RBM28: variants seen among roughly 807,000 people sequenced by gnomAD.
RBM28 encodes the protein RNA binding motif protein 28, also known as RNA-binding protein 28.
In RBM28, 78 loss-of-function variants were observed where a neutral mutation model predicts 98.3. That is an observed-to-expected ratio of 0.79 (90% confidence interval 0.66 to 0.96). The LOEUF (loss-of-function observed/expected upper bound fraction) is 0.96. Among genes scored for constraint, RBM28 ranks in the 40% least tolerant of loss-of-function variants. The probability of loss-of-function intolerance (pLI) is 0.00; values close to 1 mark genes in which losing one functional copy is unlikely to be tolerated. For missense variants in RBM28, 838 were observed against 913.0 expected, an observed-to-expected ratio of 0.92 and a Z score of 1.06; for synonymous variants, 306 against 330.9, an observed-to-expected ratio of 0.92 and a Z score of 0.82.
At chr7:128,314,075 G>C (rs1026259818) in intron 17 of RBM28, among the ~76,000 whole-genome samples, 1 of 151,938 alleles carries the variant, frequency 6.6e-6, no homozygotes, top group Non-Finnish European at 1.5e-5. Context: ...CCATTCTCCT[G>C]CCTCAGCCTC....
rs1796339149 is a variant in RBM28 at position 128,325,884 on chromosome 7, T to C, written c.1137A>G (p.Ala379=). The change falls in exon 11 of 19, where the codon GCA becomes GCG. Residue 379 remains alanine (A), a synonymous_variant. Coordinates refer to ENST00000223073, the MANE Select transcript of RBM28 (RefSeq NM_018077.3). Reference sequence around the variant, plus strand: ...CTTCTTGAGTCATGAACTGGGCAAATGCACAACCTGCACAAGGAGACACAA... The same window carrying C: ...CTTCTTGAGTCATGAACTGGGCAAACGCACAACCTGCACAAGGAGACACAA... ...HPDTEHSKGC[A]FAQFMTQEAA... is the part of the protein sequence containing the mutation. 4 of 1,613,078 alleles carry C rather than the reference T, an allele frequency of 2.5e-6. No individual in the cohort carries two copies. In the South Asian group the frequency reaches 4.4e-5, roughly 18 times the overall value.
At chr7:128,323,216 A>G (rs972498578) in intron 13 of RBM28, among the ~76,000 whole-genome samples, 2 of 152,172 alleles carry the variant, frequency 1.3e-5, no homozygotes, top group Non-Finnish European at 2.9e-5. Flanking sequence ...ACCTAATTAC[A>G]TGTAGCAATA....
At position 128,310,915 on chromosome 7, in the gene RBM28, GC is replaced by G; in HGVS notation, c.2161del (p.Ala721LeufsTer69). 1 of 1,613,246 alleles carries G rather than the reference GC, an allele frequency of 6.2e-7. No individual in the cohort carries two copies. The highest frequency in any genetic ancestry group is 8.5e-7 in the Non-Finnish European group (1 of 1,179,208). On this transcript the variant is annotated frameshift_variant, in exon 19 of 19. Coordinates refer to ENST00000223073, the MANE Select transcript of RBM28 (RefSeq NM_018077.3). LOFTEE classifies it high-confidence loss of function. ...GCGGGTTTCCGTCTTATTTCCCTTA[GC>G]TTTTTTCCTAGATACCTACAAATGA... ...LSSEQVSRKK[A>X]KGNKTETRFN...
At chr7:128,322,046 C>A (rs371069783) in intron 13 of RBM28, among the ~76,000 whole-genome samples, 90 of 143,866 alleles carry the variant, frequency 6.3e-4, no homozygotes, top group South Asian at 1.1e-3. Flanking sequence ...GAAATTCGGT[C>A]AAAAAAAAAA....
In RBM28 at chr7:128,305,086, G is replaced by C. The variant is rs932161443; in HGVS notation, c.*5711C>G. Reference sequence around the variant, plus strand: ...CTGAGGAAGAACTGCTTGAACCTGGGGGGTGGAGGTTGCAGTGAGCTGAGA... The same window carrying C: ...CTGAGGAAGAACTGCTTGAACCTGGCGGGTGGAGGTTGCAGTGAGCTGAGA... On this transcript the variant is annotated 3_prime_UTR_variant, in exon 19 of 19. Transcript: ENST00000223073. 6 of 151,924 alleles carry C rather than the reference G, an allele frequency of 3.9e-5. No homozygotes were observed. The highest frequency in any genetic ancestry group is 1.2e-4 in the African/African-American group (5 of 41,310). 9.4% of individuals were successfully genotyped at this position (151,924 alleles called of 1,614,324 possible). A position where few individuals can be genotyped will look rare whatever the true frequency, so the allele number is the denominator to read the frequency against.
rs1174864488 is a variant in RBM28, at chr7:128,310,877, C to A, written c.2200G>T (p.Val734Phe). Residue 734 changes from valine to phenylalanine, a missense_variant, in exon 19 of 19, where the codon GTC becomes TTC. Val to Phe is a conservative substitution (Grantham distance 50). Transcript: ENST00000223073. ...NKTETRFNQL[V>F]EQYKQKLLGP... ...AATAATTTCTGCTTATATTGTTCGA[C>A]CAGCTGGTTGAAGCGGGTTTCCGTC... is the stretch of plus-strand genomic sequence containing the variant. 5 of 1,614,066 alleles carry A rather than the reference C, an allele frequency of 3.1e-6. No individual in the cohort carries two copies. The Admixed American group carries it at 8.3e-5, about 27-fold the overall frequency.
At chr7:128,328,850 G>A (rs907563376) in intron 10 of RBM28, among the ~76,000 whole-genome samples, 4 of 152,202 alleles carry the variant, frequency 2.6e-5, no homozygotes, top group East Asian at 1.9e-4. Flanking sequence ...TGAAGCCAAC[G>A]GTAGTTAAAT....
intron 18 of RBM28, among the ~76,000 whole-genome samples, chr7:128,312,909 C>T (rs552183936): frequency 4.5e-4 from 69 of 152,136 alleles, no homozygotes; most frequent in Admixed American, 2.6e-3. Flanking sequence ...ATGGGCTTTG[C>T]TTTAATATAC....
Position 128,299,994 on chromosome 7 carries a change from C to T in RBM28, c.*10803G>A, listed in dbSNP as rs1411410559. 1 of 152,248 alleles carries T rather than the reference C, an allele frequency of 6.6e-6. No homozygotes were observed. Among genetic ancestry groups the T allele is most frequent in the African/African-American group, 2.4e-5 (1 of 41,458 alleles). The allele number at this position is 152,248 out of a possible 1,614,324, so 9.4% of individuals were successfully genotyped here. On this transcript the variant is annotated 3_prime_UTR_variant, in exon 19 of 19. Transcript: ENST00000223073. ...CATGAAGGAACCAACCTTGCCAACA[C>T]TTTGATTTTAGACTTCTAGCCTCCA...
rs776207621 is a variant in RBM28, at chr7:128,300,099, T to C, written c.*10698A>G. The C allele has an allele frequency of 2.6e-5, 4 of 152,272 alleles. No homozygotes were observed. The highest frequency in any genetic ancestry group is 9.6e-5 in the African/African-American group (4 of 41,466). The allele number at this position is 152,272 out of a possible 1,614,324, so 9.4% of individuals were successfully genotyped here. A position where few individuals can be genotyped will look rare whatever the true frequency, so the allele number is the denominator to read the frequency against. On this transcript the variant is annotated 3_prime_UTR_variant, in exon 19 of 19. Coordinates refer to ENST00000223073, the MANE Select transcript of RBM28 (RefSeq NM_018077.3). ...CTTACAGTAGCCCTCCTGACTAATA[T>C]AGGCCCTTTCTCAACTTTCCCTAGA...
intron 12 of RBM28, 87 bp from the exon 13 acceptor site, chr7:128,323,678 CTT>C: frequency 6.8e-7 from 1 of 1,478,314 alleles, no homozygotes; most frequent in Non-Finnish European, 9.4e-7. Context: ...GATGCAAACT[CTT>C]TGTACAGGGC....
rs745392372 is a variant in RBM28, at chr7:128,324,670, G to A, written c.1228C>T (p.Arg410Trp). ...NEAGGLKLDG[R>W]QLKVDLAVTR... ...ACCGCCAAGTCAACCTTGAGCTGCC[G>A]GCCATCCAGTTTAAGCCCACCAGCC... The change falls in exon 12 of 19, where the codon CGG (arginine) becomes TGG (tryptophan). Residue 410 changes from arginine (R) to tryptophan (W), a missense_variant. Transcript: ENST00000223073. 2.2e-5 allele frequency: 36 copies of A among 1,613,984 alleles called. 1 individual carries two copies. The highest frequency in any genetic ancestry group is 1.3e-4 in the East Asian group (6 of 44,902).
chr7:128,313,655 A>T (rs1190573161), intron 17 of RBM28, among the ~76,000 whole-genome samples: 1 of 152,212 alleles, frequency 6.6e-6, no homozygotes, highest in African/African-American at 2.4e-5. Context: ...TCCTTGCTCA[A>T]ATCTCACGTT....
intron 13 of RBM28, among the ~76,000 whole-genome samples, chr7:128,322,046 C>CAA (rs10633144): frequency 0.04 from 5,715 of 143,846 alleles, 228 homozygotes; most frequent in African/African-American, 0.11. Context: ...GAAATTCGGT[C>CAA]AAAAAAAAAA....
At chr7:128,337,104 T>TA (rs1562958780) in intron 6 of RBM28, 27 bp downstream of exon 6, 1 of 1,609,594 alleles carries the variant, frequency 6.2e-7, no homozygotes, top group East Asian at 2.2e-5. Flanking sequence ...ACAACGCCCC[T>TA]ACTCACCCAA....
intron 4 of RBM28, 28 bp downstream of exon 4, chr7:128,338,698 T>C (rs1648607283): frequency 1.4e-6 from 2 of 1,477,296 alleles, no homozygotes; most frequent in Non-Finnish European, 1.9e-6. Flanking sequence ...ACTAACGTAA[T>C]CCACACCAAG....
At chr7:128,317,812 C>A (rs1796137035) in intron 15 of RBM28, 79 bp from the exon 16 acceptor site, 1 of 1,487,426 alleles carries the variant, frequency 6.7e-7, no homozygotes, top group East Asian at 2.3e-5. Context: ...CCCCTTCACA[C>A]ATCCTCCCCC....
chr7:128,330,856 G>A lies in RBM28; in HGVS notation c.1092C>T (p.Val364=). ...LLQQFGELKY[V]RIVLHPDTEH... is the part of the protein sequence containing the mutation. The stretch of plus-strand genomic sequence containing the variant: ...CTGTGTCTGGATGCAAGACAATGCG[G>A]ACATATTTGAGTTCTCCAAACTGTT... The change falls in exon 10 of 19, where the codon GTC becomes GTT. Residue 364 remains valine, a synonymous_variant. Transcript: ENST00000223073. 1 of 1,614,056 alleles carries A rather than the reference G, an allele frequency of 6.2e-7. No homozygotes were observed. The highest frequency in any genetic ancestry group is 1.1e-5 in the South Asian group (1 of 91,084).
chr7:128,311,116 T>A (rs1200154910), intron 18 of RBM28, among the ~76,000 whole-genome samples, 185 bp from the exon 19 acceptor site: 1 of 152,072 alleles, frequency 6.6e-6, no homozygotes, highest in East Asian at 1.9e-4. Context: ...GGTAAGAAAT[T>A]AGACCAAGAG....
Sources: allele counts gnomAD v4.1 joint callset (sites outside exome capture counted in the v4.1 genomes callset), GRCh38; gene constraint gnomAD v4.1.1; transcripts MANE v1.5; gene names NCBI Gene and HGNC (gene_info 2026-07-23, HGNC 2026-07-21).